DLGAP1: variants seen among roughly 807,000 people sequenced by gnomAD.
DLGAP1 encodes disks large-associated protein 1.
A neutral mutation model predicts 90.8 loss-of-function variants in DLGAP1; 11 were observed. The observed-to-expected ratio is 0.12, with a 90% confidence interval of 0.08 to 0.20. The LOEUF (loss-of-function observed/expected upper bound fraction) is 0.20. Ranked by LOEUF, DLGAP1 falls within the 10% of genes least tolerant of loss-of-function variation. DLGAP1 has a pLI of 1.00. For synonymous variants in DLGAP1, 558 were observed against 540.7 expected (o/e 1.03, Z -0.44); for missense variants, 1,050 against 1,333.8 (o/e 0.79, Z 3.31).
intron 5 of DLGAP1, among the ~76,000 whole-genome samples, chr18:3,807,763 T>C (rs3850802): frequency 0.76 from 114,859 of 152,078 alleles, 43,593 homozygotes; most frequent in African/African-American, 0.82. Flanking sequence ...TCCCTGACTC[T>C]TAACTTTTAA....
chr18:3,606,906 C>T (rs35317989), intron 7 of DLGAP1: 92,977 of 151,596 alleles, frequency 0.61, 30,553 homozygotes, highest in Non-Finnish European at 0.74. Context: ...GGCACGACCT[C>T]GGCTCATTGC....
At chr18:3,862,734 G>A (rs2070153591) in intron 4 of DLGAP1, among the ~76,000 whole-genome samples, 1 of 152,192 alleles carries the variant, frequency 6.6e-6, no homozygotes. Context: ...TTGAAAGCTA[G>A]GTATGTTACA....
At chr18:4,113,599 C>G (rs982155799) in intron 2 of DLGAP1, among the ~76,000 whole-genome samples, 3 of 152,084 alleles carry the variant, frequency 2.0e-5, no homozygotes, top group African/African-American at 7.2e-5. Flanking sequence ...GTTTGTATGG[C>G]TGTACAGAAA....
chr18:4,297,033 T>C (rs764718499), intron 1 of DLGAP1, among the ~76,000 whole-genome samples: 6 of 152,172 alleles, frequency 3.9e-5, no homozygotes, highest in Non-Finnish European at 7.4e-5. Flanking sequence ...AACAGGTCTG[T>C]AAAGAGGACC....
intron 7 of DLGAP1, among the ~76,000 whole-genome samples, chr18:3,666,736 TA>T (rs775188810): frequency 8.5e-5 from 13 of 152,258 alleles, no homozygotes; most frequent in South Asian, 6.2e-4. Flanking sequence ...TCTGTCAATT[TA>T]AAAAGTTTTT....
At chr18:4,213,380 C>T (rs1372493546) in intron 1 of DLGAP1, among the ~76,000 whole-genome samples, 2 of 152,148 alleles carry the variant, frequency 1.3e-5, no homozygotes, top group Middle Eastern at 6.8e-3. Context: ...GAAGTAACAT[C>T]GAGTCAGGAG....
Position 3,649,793 on chromosome 18 carries a change from CTT to C in DLGAP1, c.1592-67547_1592-67546del, listed in dbSNP as rs752596926. 1.7e-3 allele frequency among the ~76,000 whole-genome samples: 247 copies of C among 148,086 alleles called. 1 individual carries two copies. The highest frequency in any genetic ancestry group is 6.1e-3 in the African/African-American group (235 of 38,518). On this transcript the variant is annotated intron_variant, in intron 7 of 12. Coordinates refer to ENST00000315677, the MANE Select transcript of DLGAP1 (RefSeq NM_004746.4). ...GGAAACAAAGAGGGGAAAAGATAAACTTAAAAAAAAAAGTAAAAAGATAAATG... is the reference window on the plus strand; with the variant it reads ...GGAAACAAAGAGGGGAAAAGATAAACAAAAAAAAAAGTAAAAAGATAAATG...
At chr18:3,679,484 A>G (rs2060432555) in intron 7 of DLGAP1, among the ~76,000 whole-genome samples, 1 of 151,850 alleles carries the variant, frequency 6.6e-6, no homozygotes, top group Non-Finnish European at 1.5e-5. Flanking sequence ...GACTACCAGC[A>G]ATGAGCACTT....
intron 3 of DLGAP1, among the ~76,000 whole-genome samples, chr18:3,888,787 G>A (rs2071386354): frequency 6.6e-6 from 1 of 152,204 alleles, no homozygotes; most frequent in Non-Finnish European, 1.5e-5. Context: ...TTTATGTGAA[G>A]ATAATCCAGG....
intron 5 of DLGAP1, among the ~76,000 whole-genome samples, chr18:3,801,570 C>T (rs1199874513): frequency 2.0e-5 from 3 of 152,138 alleles, no homozygotes; most frequent in Non-Finnish European, 4.4e-5. Flanking sequence ...TTATGTGCCC[C>T]AGTTTCCTCC....
Position 3,729,205 on chromosome 18 carries a change from CTCG to C in DLGAP1, c.1518_1520del (p.Asp506del). On this transcript the variant is annotated inframe_deletion, in exon 7 of 13. Coordinates refer to ENST00000315677, the MANE Select transcript of DLGAP1 (RefSeq NM_004746.4). This position sits in a 1 kb window ranked among gnomAD's most constrained non-coding sequence, Gnocchi z 6.2. ...GCGAGGACGACCTCAGGGACACGCA[CTCG>C]TCGTCCTGGGAGCAGCCTTTCTCAA... 1.1e-5 allele frequency: 18 copies of C among 1,613,824 alleles called. No individual in the cohort carries two copies. Among genetic ancestry groups the C allele is most frequent in the Non-Finnish European group, 1.4e-5 (17 of 1,179,888 alleles).
At chr18:4,267,753 A>C (rs2079162538) in intron 1 of DLGAP1, among the ~76,000 whole-genome samples, 1 of 152,186 alleles carries the variant, frequency 6.6e-6, no homozygotes, top group African/African-American at 2.4e-5. Flanking sequence ...TCATCTGACA[A>C]CTAGGCTGTG....
intron 1 of DLGAP1, among the ~76,000 whole-genome samples, chr18:4,172,560 T>C (rs542316154): frequency 6.6e-6 from 1 of 152,278 alleles, no homozygotes; most frequent in South Asian, 2.1e-4. Flanking sequence ...TCAAAGCTGA[T>C]CAACATTATT....
chr18:3,543,029 GT>G (rs1284409925), intron 9 of DLGAP1, among the ~76,000 whole-genome samples: 1 of 152,206 alleles, frequency 6.6e-6, no homozygotes, highest in East Asian at 1.9e-4. Context: ...CACTGATGGT[GT>G]TGAATCAGAG....
intron 1 of DLGAP1, among the ~76,000 whole-genome samples, chr18:4,268,573 G>C (rs909900667): frequency 2.0e-5 from 3 of 152,072 alleles, no homozygotes; most frequent in Non-Finnish European, 4.4e-5. Context: ...TAACAGCAGG[G>C]TTTGTGGGTT....
At chr18:4,441,616 T>A (rs574559702) in intron 1 of DLGAP1, among the ~76,000 whole-genome samples, 1 of 152,280 alleles carries the variant, frequency 6.6e-6, no homozygotes, top group South Asian at 2.1e-4. Context: ...TTTATTTCTA[T>A]TGCATCTCCA....
At position 3,651,349 on chromosome 18, in the gene DLGAP1, C is replaced by T. The variant is rs2059296232; in HGVS notation, c.1592-69101G>A. Among the ~76,000 whole-genome samples the T allele has an allele frequency of 2.0e-5, 3 of 152,194 alleles. No individual in the cohort carries two copies. In the South Asian group the frequency reaches 6.2e-4, roughly 31 times the overall value. On this transcript the variant is annotated intron_variant, in intron 7 of 12. Transcript: ENST00000315677. ...ACTCTAGCCTGGCGATAGAGCAAGA[C>T]TCTGCCTAAAAAACAAAAACAAACA...
intron 4 of DLGAP1, among the ~76,000 whole-genome samples, chr18:3,828,665 G>GAAAAAAAAAAA: frequency 8.3e-6 from 1 of 119,824 alleles, no homozygotes; most frequent in South Asian, 2.8e-4. Context: ...AAAAAAAAAG[G>GAAAAAAAAAAA]ACAAAAAGAC....
rs751203459 is a variant in DLGAP1 at position 3,814,239 on chromosome 18, C to T, written c.992G>A (p.Arg331Gln). 5.0e-6 allele frequency: 8 copies of T among 1,614,128 alleles called. No homozygotes were observed. The highest frequency in any genetic ancestry group is 2.2e-5 in the South Asian group (2 of 91,086). ...GCATGGAATTTCATCATCTTTACCT[C>T]GTGGGGTGTACCCTGTCCATTCATC... ...PQDEWTGYTP[R>Q]GKDDEIPCRR... The change falls in exon 5 of 13, where the codon CGA becomes CAA. Residue 331 changes from arginine to glutamine, a missense_variant. By Grantham distance (43) the Arg-to-Gln change is conservative (BLOSUM62 1). This residue lies in a region of DLGAP1 where 565 missense variants were observed against 879.7 expected (regional missense o/e 0.64). Transcript: ENST00000315677.
Sources: allele counts gnomAD v4.1 joint callset (sites outside exome capture counted in the v4.1 genomes callset), GRCh38; gene constraint gnomAD v4.1.1; regional missense constraint gnomAD v4.1.1; non-coding constraint Gnocchi (gnomAD v3.1); transcripts MANE v1.5; gene names NCBI Gene and HGNC (gene_info 2026-07-23, HGNC 2026-07-21).